Variants in PLEKHG4B observed in about 807,000 individuals in gnomAD.
PLEKHG4B encodes the protein pleckstrin homology domain-containing family G member 4B.
PLEKHG4B carries 111 observed loss-of-function variants against 121.3 expected under a neutral mutation model. The ratio of observed to expected loss-of-function variants is 0.92; its 90% CI spans 0.78 to 1.07. The LOEUF is 1.07. Among genes scored for constraint, PLEKHG4B ranks in the 50% least tolerant of loss-of-function variants. The pLI is 0.00. For missense variants in PLEKHG4B, 1,831 were observed against 1,757.8 expected (o/e 1.04, Z -0.74); for synonymous variants, 738 against 725.0 (o/e 1.02, Z -0.29).
chr5:134,049 A>T (rs1338407636), intron 2 of PLEKHG4B, among the ~76,000 whole-genome samples: 1 of 135,982 alleles, frequency 7.4e-6, no homozygotes, highest in African/African-American at 2.7e-5. Context: ...TAGAATATAT[A>T]TATGATAGAA....
chr5:125,967 G>A (rs779905603), intron 2 of PLEKHG4B, among the ~76,000 whole-genome samples: 15 of 152,104 alleles, frequency 9.9e-5, no homozygotes, highest in South Asian at 4.1e-4. Context: ...AAAATATGCC[G>A]ACAATCTTAT....
chr5:155,771 G>A (rs1234135508), intron 9 of PLEKHG4B, among the ~76,000 whole-genome samples: 4 of 152,178 alleles, frequency 2.6e-5, no homozygotes, highest in Admixed American at 2.0e-4. Flanking sequence ...CAGCCCAGCC[G>A]CCAGGTCTAG....
chr5:169,626 C>G (rs1396591129), intron 14 of PLEKHG4B, 34 bp downstream of exon 14: 1 of 1,605,308 alleles, frequency 6.2e-7, no homozygotes, highest in Non-Finnish European at 8.5e-7. Flanking sequence ...TGCCGGGCAA[C>G]GTGGTGGGTG....
Position 140,685 on chromosome 5 carries a change from A to G in PLEKHG4B, c.1446A>G (p.Pro482=). ...GQAVGTPNCV[P]VEGPGCTKEE... is the part of the protein sequence containing the mutation. ...CTGTGGGGACCCCAAACTGTGTCCC[A>G]GTAGAGGGTCCCGGCTGCACCAAAG... Residue 482 remains proline (P), a synonymous_variant, in exon 3 of 20, where the codon CCA becomes CCG. Coordinates refer to ENST00000637938, the MANE Select transcript of PLEKHG4B (RefSeq NM_052909.5). 1.9e-6 allele frequency: 3 copies of G among 1,595,596 alleles called. No individual in the cohort carries two copies. The highest frequency in any genetic ancestry group is 2.6e-6 in the Non-Finnish European group (3 of 1,170,836).
chr5:151,300 T>C (rs1735595635), intron 6 of PLEKHG4B, among the ~76,000 whole-genome samples: 1 of 152,186 alleles, frequency 6.6e-6, no homozygotes, highest in East Asian at 1.9e-4. Context: ...TGAATTTTAT[T>C]GTATGTAAAT....
Position 159,876 on chromosome 5 carries a change from C to A in PLEKHG4B, c.2488-1907C>A, listed in dbSNP as rs565912127. On this transcript the variant is annotated intron_variant, in intron 11 of 19. Transcript: ENST00000637938. This position sits in a 1 kb window ranked among gnomAD's most constrained non-coding sequence, Gnocchi z 5.5. ...GGAGTCTCGGGACTTGGCCTCTGCT[C>A]TCCTCAGGCCCTGCCACTCCCGCTT... Among the ~76,000 whole-genome samples, 2 of 152,072 alleles carry A rather than the reference C, an allele frequency of 1.3e-5. No individual in the cohort carries two copies. Among genetic ancestry groups the A allele is most frequent in the Non-Finnish European group, 2.9e-5 (2 of 67,996 alleles).
chr5:111,761 C>T (rs1734165937), intron 1 of PLEKHG4B, among the ~76,000 whole-genome samples: 1 of 152,208 alleles, frequency 6.6e-6, no homozygotes, highest in Non-Finnish European at 1.5e-5. Flanking sequence ...CGAGATGCCT[C>T]TCCTAGATCA....
In PLEKHG4B at chr5:113,477, C is replaced by A. The variant is rs536166212; in HGVS notation, c.243+29C>A. 1.0e-5 allele frequency: 4 copies of A among 398,904 alleles called. No homozygotes were observed. Among genetic ancestry groups the A allele is most frequent in the Admixed American group, 4.4e-5 (1 of 22,720 alleles). 24.7% of individuals were successfully genotyped at this position (398,904 alleles called of 1,614,324 possible). On this transcript the variant is annotated intron_variant, in intron 2 of 19. Transcript: ENST00000637938. This position sits in a 1 kb window ranked among gnomAD's most constrained non-coding sequence, Gnocchi z 5.2. ...AGTACCTCCCTTGTAGCTCTGAGAC[C>A]GTGGCCAACCTGGAGGAACCTGCCC...
At chr5:125,252 CT>C (rs1391157940) in intron 2 of PLEKHG4B, among the ~76,000 whole-genome samples, 2 of 152,166 alleles carry the variant, frequency 1.3e-5, no homozygotes, top group African/African-American at 2.4e-5. Flanking sequence ...TGCTGTATAG[CT>C]TTTTTGTCCA....
At chr5:169,309 G>A (rs199848637) in intron 13 of PLEKHG4B, 31 bp from the exon 14 acceptor site, 69 of 1,610,876 alleles carry the variant, frequency 4.3e-5, no homozygotes, top group African/African-American at 1.7e-4. Context: ...GTGGGGGGCC[G>A]TGTGCCCCCC....
At chr5:128,757 A>T (rs116234642) in intron 2 of PLEKHG4B, among the ~76,000 whole-genome samples, 1 of 152,276 alleles carries the variant, frequency 6.6e-6, no homozygotes, top group Non-Finnish European at 1.5e-5. Flanking sequence ...CTACTCCACC[A>T]TCTTCCCAGA....
intron 13 of PLEKHG4B, among the ~76,000 whole-genome samples, chr5:165,729 G>A (rs1579316246): frequency 8.4e-5 from 3 of 35,754 alleles, no homozygotes; most frequent in African/African-American, 2.1e-4. Context: ...CTCTGACGGG[G>A]CGGGGCTCAC....
chr5:173,867 T>C (rs1736654443), intron 17 of PLEKHG4B, 51 bp from the exon 18 acceptor site: 8 of 1,583,340 alleles, frequency 5.1e-6, no homozygotes, highest in Non-Finnish European at 6.9e-6. Flanking sequence ...TAGCCAGTTG[T>C]TCAGAGACCA....
chr5:173,683 C>A (rs1393127986), intron 17 of PLEKHG4B, among the ~76,000 whole-genome samples: 2 of 151,324 alleles, frequency 1.3e-5, no homozygotes, highest in African/African-American at 4.8e-5. Context: ...AGCAGTCACT[C>A]ACGAGCAGCC....
chr5:161,991 G>T, intron 12 of PLEKHG4B, 47 bp downstream of exon 12: 1 of 1,550,230 alleles, frequency 6.5e-7, no homozygotes, highest in South Asian at 1.2e-5. Context: ...GGCTCCTTAG[G>T]CTGTGGACAT....
intron 11 of PLEKHG4B, among the ~76,000 whole-genome samples, chr5:158,985 A>C (rs1197089095): frequency 6.6e-6 from 1 of 152,000 alleles, no homozygotes; most frequent in Non-Finnish European, 1.5e-5. Context: ...CATGGCCAGC[A>C]GTCACTTTAG....
chr5:143,439 A>G lies in PLEKHG4B; in HGVS notation c.1747A>G (p.Thr583Ala). ...VQVRTRSLLW[T>A]REHSSCAELT... is the part of the protein sequence containing the mutation. ...GGTCCGCACCAGGAGCCTGCTCTGG[A>G]CCAGGGAACACTCGTCCTGTGCTGA... Residue 583 changes from threonine to alanine, a missense_variant, in exon 5 of 20, where the codon ACC becomes GCC. Physicochemically the swap from Thr to Ala is moderately conservative, Grantham distance 58 (BLOSUM62 0). Transcript: ENST00000637938. 1 of 1,612,864 alleles carries G rather than the reference A, an allele frequency of 6.2e-7. No homozygotes were observed. Among genetic ancestry groups the G allele is most frequent in the Non-Finnish European group, 8.5e-7 (1 of 1,179,986 alleles).
chr5:160,280 A>G (rs1400173688), intron 11 of PLEKHG4B, among the ~76,000 whole-genome samples: 1 of 152,180 alleles, frequency 6.6e-6, no homozygotes, highest in African/African-American at 2.4e-5. Flanking sequence ...CTCTGCTGTT[A>G]GAAACTCCCC....
chr5:126,750 G>C (rs1734626417), intron 2 of PLEKHG4B, among the ~76,000 whole-genome samples: 1 of 152,154 alleles, frequency 6.6e-6, no homozygotes. Flanking sequence ...TAAGGACATG[G>C]ACGCACATGA....
Sources: allele counts gnomAD v4.1 joint callset (sites outside exome capture counted in the v4.1 genomes callset), GRCh38; gene constraint gnomAD v4.1.1; non-coding constraint Gnocchi (gnomAD v3.1); transcripts MANE v1.5; gene names NCBI Gene and HGNC (gene_info 2026-07-23, HGNC 2026-07-21).